The following FOLH1 variants were observed in gnomAD, a reference collection of about 807,000 sequenced individuals.
The protein encoded by FOLH1 is folate hydrolase 1, also known as glutamate carboxypeptidase 2.
FOLH1 carries 54 observed loss-of-function variants against 93.9 expected under a neutral mutation model. That is an observed-to-expected ratio of 0.57 (90% CI 0.46 to 0.72). The LOEUF is 0.72. FOLH1 is among the 30% of genes least tolerant of loss of function. The pLI is 0.00. For synonymous variants in FOLH1, 249 were observed against 303.6 expected, an observed-to-expected ratio of 0.82 and a Z score of 1.87; for missense variants, 571 against 892.5, an observed-to-expected ratio of 0.64 and a Z score of 4.59.
intron 17 of FOLH1, among the ~76,000 whole-genome samples, chr11:49,152,950 ATAT>A (rs1856639908): frequency 6.6e-6 from 1 of 152,108 alleles, no homozygotes; most frequent in Non-Finnish European, 1.5e-5. Context: ...AGTTCATATA[ATAT>A]TATGGTTGAG....
rs1190095371 is a variant in FOLH1, at chr11:49,174,950, G to A, written c.1047C>T (p.Thr349=). The change falls in exon 9 of 19, where the codon ACC becomes ACT. Residue 349 remains threonine, a synonymous_variant. Coordinates refer to ENST00000256999, the MANE Select transcript of FOLH1 (RefSeq NM_004476.3). ...TQKVKMHIHS[T]NEVTRIYNVI... is the part of the protein sequence containing the mutation. ...CATTGTAAATTCTTGTCACTTCATT[G>A]GTAGAGTGGATGTGCATCTTGACTT... 3.1e-6 allele frequency: 5 copies of A among 1,610,610 alleles called. No individual in the cohort carries two copies. The highest frequency in any genetic ancestry group is 1.1e-5 in the South Asian group (1 of 90,658).
chr11:49,183,332 C>T (rs1023631151), intron 6 of FOLH1, 90 bp from the exon 7 acceptor site: 11 of 973,188 alleles, frequency 1.1e-5, no homozygotes, highest in African/African-American at 1.7e-5. Context: ...TCTAATTTCA[C>T]ATTTGCTAGA....
chr11:49,163,683 C>G (rs1298941726), intron 13 of FOLH1, among the ~76,000 whole-genome samples: 1 of 151,780 alleles, frequency 6.6e-6, no homozygotes, highest in Non-Finnish European at 1.5e-5. Context: ...GGGGGTCTAA[C>G]CTCCTGCTGT....
intron 12 of FOLH1, among the ~76,000 whole-genome samples, chr11:49,165,274 C>T (rs1191183097): frequency 1.3e-5 from 2 of 152,164 alleles, no homozygotes; most frequent in Non-Finnish European, 2.9e-5. Flanking sequence ...TTGGCCCTCC[C>T]ACTAGACGAT....
intron 1 of FOLH1, 106 bp downstream of exon 1, chr11:49,208,186 G>T (rs1261451037): frequency 3.6e-6 from 3 of 833,834 alleles, no homozygotes; most frequent in Non-Finnish European, 5.6e-6. Flanking sequence ...CGCCGCCCCT[G>T]GGGAAGACCA....
chr11:49,187,934 T>C (rs1324287084), intron 4 of FOLH1, among the ~76,000 whole-genome samples: 2 of 152,200 alleles, frequency 1.3e-5, no homozygotes, highest in African/African-American at 4.8e-5. Context: ...CAGACCTCCT[T>C]ATGGGCTTAG....
In FOLH1 at chr11:49,154,316, A is replaced by G. The variant is rs758972352; in HGVS notation, c.1800T>C (p.Tyr600=). The change falls in exon 16 of 19, where the codon TAT becomes TAC. Residue 600 remains tyrosine (Y), a synonymous_variant. Coordinates refer to ENST00000256999, the MANE Select transcript of FOLH1 (RefSeq NM_004476.3). ...SIVLPFDCRD[Y]AVVLRKYADK... Reference sequence around the variant, plus strand: ...CAGCATACTTTCTTAAAACTACAGCATAATCTCGACAATCAAAAGGGAGCA... The same window carrying G: ...CAGCATACTTTCTTAAAACTACAGCGTAATCTCGACAATCAAAAGGGAGCA... 2.5e-6 allele frequency: 4 copies of G among 1,613,524 alleles called. No individual in the cohort carries two copies. Among genetic ancestry groups the G allele is most frequent in the African/African-American group, 1.3e-5 (1 of 75,020 alleles).
intron 3 of FOLH1, among the ~76,000 whole-genome samples, 176 bp downstream of exon 3, chr11:49,200,079 A>C (rs1158264327): frequency 2.0e-5 from 3 of 152,212 alleles, no homozygotes; most frequent in Admixed American, 6.5e-5. Flanking sequence ...CAGTAAACTC[A>C]AACATCATAG....
Position 49,192,910 on chromosome 11 carries a change from A to G in FOLH1, c.412-16T>C. The stretch of plus-strand genomic sequence containing the variant: ...TGTTGAAAATCTAGAGAAACAAAAT[A>G]TTATAATCAAAATAAAACAGTTAAA... On this transcript the variant is annotated splice_polypyrimidine_tract_variant and intron_variant, in intron 3 of 18. Coordinates refer to ENST00000256999, the MANE Select transcript of FOLH1 (RefSeq NM_004476.3). The G allele has an allele frequency of 6.4e-7, 1 of 1,562,388 alleles. No individual in the cohort carries two copies. The highest frequency in any genetic ancestry group is 8.7e-7 in the Non-Finnish European group (1 of 1,155,890).
chr11:49,150,963 T>C (rs1358474340), intron 17 of FOLH1, among the ~76,000 whole-genome samples: 1 of 152,208 alleles, frequency 6.6e-6, no homozygotes, highest in African/African-American at 2.4e-5. Context: ...TGAATCTTTA[T>C]ACAAAATGTG....
rs1394710150 is a variant in FOLH1 at position 49,157,955 on chromosome 11, G to A, written c.1529C>T (p.Pro510Leu). 6.3e-7 allele frequency: 1 copy of A among 1,579,314 alleles called. No homozygotes were observed. The highest frequency in any genetic ancestry group is 8.6e-7 in the Non-Finnish European group (1 of 1,160,900). The change falls in exon 14 of 19, where the codon CCC (proline) becomes CTC (leucine). Residue 510 changes from proline (P) to leucine (L), a missense_variant. Around this residue, in one of 2 missense-constraint regions of FOLH1, gnomAD observed 500 missense variants for 822.9 expected, o/e 0.61. Transcript: ENST00000256999. ...GAAACTTCATTCATTTGTTTACCTG[G>A]GCATGCCACTGAACTCTGGGGAAGG... Reference protein sequence around the residue: ...KSPSPEFSGMPRISKLGSGND... With the variant: ...KSPSPEFSGMLRISKLGSGND...
chr11:49,192,602 C>T (rs1862199862), intron 4 of FOLH1, among the ~76,000 whole-genome samples, 191 bp downstream of exon 4: 1 of 152,174 alleles, frequency 6.6e-6, no homozygotes, highest in South Asian at 2.1e-4. Flanking sequence ...TAAGTTGTAT[C>T]TTTAAAAATA....
At position 49,208,286 on chromosome 11, in the gene FOLH1, C is replaced by G. The variant is rs1864201658; in HGVS notation, c.118+6G>C. ...CCGAGGTTTGCTCCGCGAGGCGCCC[C>G]CCTACCGAAGAGGAAGCCGAGGAGA... On this transcript the variant is annotated splice_donor_region_variant and intron_variant, in intron 1 of 18. Coordinates refer to ENST00000256999, the MANE Select transcript of FOLH1 (RefSeq NM_004476.3). 3.2e-6 allele frequency: 5 copies of G among 1,544,294 alleles called. No individual in the cohort carries two copies. The highest frequency in any genetic ancestry group is 4.4e-6 in the Non-Finnish European group (5 of 1,139,564).
At chr11:49,186,865 G>A in intron 4 of FOLH1, 96 bp from the exon 5 acceptor site, 1 of 1,355,888 alleles carries the variant, frequency 7.4e-7, no homozygotes, top group South Asian at 1.7e-5. Flanking sequence ...GAGGGAAGAG[G>A]TCAGAGCACA....
At position 49,200,366 on chromosome 11, in the gene FOLH1, C is replaced by A. The variant is rs746506486; in HGVS notation, c.300G>T (p.Trp100Cys). ...CAACAGAATCCAGGCCAAATTCTTTCCACTGGGATTGAATTTGCTTTGCAA... is the reference window on the plus strand; with the variant it reads ...CAACAGAATCCAGGCCAAATTCTTTACACTGGGATTGAATTTGCTTTGCAA... ...FQLAKQIQSQ[W>C]KEFGLDSVEL... is the part of the protein sequence containing the mutation. Residue 100 changes from tryptophan to cysteine, a missense_variant, in exon 3 of 19, where the codon TGG becomes TGT. Transcript: ENST00000256999. 1 of 1,613,542 alleles carries A rather than the reference C, an allele frequency of 6.2e-7. No individual in the cohort carries two copies. The highest frequency in any genetic ancestry group is 2.2e-5 in the East Asian group (1 of 44,780).
At chr11:49,189,598 A>G (rs1418868883) in intron 4 of FOLH1, among the ~76,000 whole-genome samples, 1 of 152,200 alleles carries the variant, frequency 6.6e-6, no homozygotes, top group Admixed American at 6.5e-5. Context: ...TTGACTTAGG[A>G]TATTTTCAAT....
chr11:49,199,682 G>T (rs1454075749), intron 3 of FOLH1, among the ~76,000 whole-genome samples: 2 of 152,098 alleles, frequency 1.3e-5, no homozygotes, highest in African/African-American at 4.8e-5. Flanking sequence ...AGGCTGAGGC[G>T]GGTGGATCAC....
intron 13 of FOLH1, among the ~76,000 whole-genome samples, chr11:49,159,363 C>CT (rs113370539): frequency 2.2e-4 from 33 of 152,214 alleles, no homozygotes; most frequent in African/African-American, 7.5e-4. Context: ...TTATTGAAAG[C>CT]TTTTTTCTGC....
intron 17 of FOLH1, among the ~76,000 whole-genome samples, chr11:49,153,295 A>G (rs1424529535): frequency 6.6e-6 from 1 of 151,574 alleles, no homozygotes; most frequent in Admixed American, 6.6e-5. Context: ...AATATTTGCT[A>G]TTCTGGATAA....
Sources: allele counts gnomAD v4.1 joint callset (sites outside exome capture counted in the v4.1 genomes callset), GRCh38; gene constraint gnomAD v4.1.1; regional missense constraint gnomAD v4.1.1; transcripts MANE v1.5; gene names NCBI Gene and HGNC (gene_info 2026-07-23, HGNC 2026-07-21).